Variants in LUZP2 observed in about 807,000 individuals in gnomAD.
LUZP2 encodes leucine zipper protein 2.
LUZP2 carries 52 observed loss-of-function variants against 51.6 expected under a neutral mutation model. That is an observed-to-expected ratio of 1.01 (90% CI 0.81 to 1.27). The LOEUF (loss-of-function observed/expected upper bound fraction) is 1.27. Among genes scored for constraint, LUZP2 ranks in the 50% most tolerant of loss-of-function variants. The pLI, the probability that LUZP2 is intolerant of heterozygous loss-of-function variation, is 0.00. For missense variants in LUZP2, 436 were observed against 395.4 expected (o/e 1.10, Z -0.87); for synonymous variants, 154 against 137.3 (o/e 1.12, Z -0.85).
intron 5 of LUZP2, among the ~76,000 whole-genome samples, chr11:24,835,617 A>G (rs1302351031): frequency 5.9e-5 from 9 of 152,148 alleles, no homozygotes; most frequent in Non-Finnish European, 1.5e-5. Context: ...AGGATTAGAG[A>G]GGAAAAATGG....
chr11:24,572,369 T>C (rs971238808), intron 1 of LUZP2, among the ~76,000 whole-genome samples: 2 of 152,042 alleles, frequency 1.3e-5, no homozygotes, highest in Non-Finnish European at 2.9e-5. Context: ...AATACAGGTC[T>C]CAAGCAATTC....
At chr11:24,899,438 T>G (rs184937306) in intron 5 of LUZP2, among the ~76,000 whole-genome samples, 135 of 151,944 alleles carry the variant, frequency 8.9e-4, no homozygotes, top group African/African-American at 3.0e-3. Context: ...ACTGTGAGGT[T>G]GTAAACAAAA....
At chr11:24,937,023 C>G (rs1475565934) in intron 7 of LUZP2, among the ~76,000 whole-genome samples, 1 of 149,532 alleles carries the variant, frequency 6.7e-6, no homozygotes, top group East Asian at 2.0e-4. Flanking sequence ...TCCTTTTGTT[C>G]AATCAGTGCC....
chr11:24,509,046 G>T (rs1208068713), intron 1 of LUZP2, among the ~76,000 whole-genome samples: 6 of 152,268 alleles, frequency 3.9e-5, no homozygotes, highest in African/African-American at 1.4e-4. Context: ...CATGTAGAAT[G>T]ATGGGACAAA....
intron 1 of LUZP2, among the ~76,000 whole-genome samples, chr11:24,630,453 C>A (rs1005726813): frequency 6.6e-6 from 1 of 152,002 alleles, no homozygotes; most frequent in African/African-American, 2.4e-5. Context: ...GGTGTCTTTT[C>A]TACAATGTAT....
chr11:24,594,493 T>C (rs1046242656), intron 1 of LUZP2, among the ~76,000 whole-genome samples: 2 of 152,188 alleles, frequency 1.3e-5, no homozygotes, highest in Non-Finnish European at 2.9e-5. Context: ...CAGGGATCGA[T>C]ACTTTGATGA....
chr11:24,513,828 A>C (rs961266934), intron 1 of LUZP2, among the ~76,000 whole-genome samples: 3 of 152,216 alleles, frequency 2.0e-5, no homozygotes, highest in African/African-American at 7.2e-5. Context: ...GACCTTTCAG[A>C]GTCTGAATGT....
At chr11:24,795,676 C>T (rs918817021) in intron 5 of LUZP2, among the ~76,000 whole-genome samples, 1 of 151,970 alleles carries the variant, frequency 6.6e-6, no homozygotes, top group African/African-American at 2.4e-5. Context: ...TGTCAGTGTC[C>T]CACAGTTCCT....
chr11:24,963,915 C>G (rs939397205), intron 7 of LUZP2, among the ~76,000 whole-genome samples: 5 of 152,190 alleles, frequency 3.3e-5, no homozygotes, highest in South Asian at 2.1e-4. Flanking sequence ...TTGGCTCCTC[C>G]CCTCCAGGTT....
intron 9 of LUZP2, among the ~76,000 whole-genome samples, chr11:25,030,286 T>C (rs1857607501): frequency 1.3e-5 from 2 of 152,188 alleles, no homozygotes; most frequent in African/African-American, 4.8e-5. Flanking sequence ...GTTCAATTAA[T>C]TCTCATTAAC....
chr11:24,751,921 A>T (rs1342571730), intron 4 of LUZP2, among the ~76,000 whole-genome samples: 2 of 152,080 alleles, frequency 1.3e-5, no homozygotes, highest in African/African-American at 4.8e-5. Context: ...AAAAAATCAT[A>T]AAAAAACTAC....
intron 4 of LUZP2, among the ~76,000 whole-genome samples, chr11:24,756,280 C>G (rs1442436458): frequency 6.6e-6 from 1 of 152,176 alleles, no homozygotes. Flanking sequence ...CAAGCTGTAA[C>G]CTAACCACCT....
At chr11:24,857,035 C>T (rs1450163559) in intron 5 of LUZP2, among the ~76,000 whole-genome samples, 1 of 151,872 alleles carries the variant, frequency 6.6e-6, no homozygotes, top group Non-Finnish European at 1.5e-5. Context: ...GACCTCACCA[C>T]TATGCAATAT....
intron 5 of LUZP2, among the ~76,000 whole-genome samples, chr11:24,870,897 T>C (rs1037771963): frequency 2.6e-4 from 40 of 152,102 alleles, no homozygotes; most frequent in African/African-American, 9.2e-4. Flanking sequence ...AAAATGAGGA[T>C]ATAAAATGTC....
intron 1 of LUZP2, among the ~76,000 whole-genome samples, chr11:24,637,929 C>T (rs1303067447): frequency 6.6e-6 from 1 of 151,784 alleles, no homozygotes; most frequent in African/African-American, 2.4e-5. Context: ...TTCTAAAATC[C>T]CTAATAAAAA....
At chr11:24,524,753 A>G (rs1205287563) in intron 1 of LUZP2, among the ~76,000 whole-genome samples, 1 of 151,728 alleles carries the variant, frequency 6.6e-6, no homozygotes, top group Admixed American at 6.6e-5. Flanking sequence ...GCATATTTGA[A>G]TGTTCTGTCC....
intron 1 of LUZP2, among the ~76,000 whole-genome samples, chr11:24,706,955 C>T (rs1336246358): frequency 6.8e-6 from 1 of 147,656 alleles, no homozygotes; most frequent in Non-Finnish European, 1.5e-5. Context: ...ATCTGGGGTT[C>T]ATCTTTACAC....
chr11:24,605,654 G>A (rs139259384), intron 1 of LUZP2, among the ~76,000 whole-genome samples: 1 of 151,614 alleles, frequency 6.6e-6, no homozygotes, highest in African/African-American at 2.4e-5. Context: ...TATATTCAAG[G>A]TATTTAAAGT....
At chr11:25,034,378 G>C (rs1474685002) in intron 9 of LUZP2, among the ~76,000 whole-genome samples, 1 of 152,010 alleles carries the variant, frequency 6.6e-6, no homozygotes, top group East Asian at 1.9e-4. Context: ...TAGGTTGTCT[G>C]TTTTGTTGAT....
Sources: gnomAD v4.1 joint callset for allele counts (sites outside exome capture counted in the v4.1 genomes callset) on GRCh38, gnomAD v4.1.1 for gene constraint, MANE v1.5 for transcripts, NCBI Gene and HGNC (gene_info 2026-07-23, HGNC 2026-07-21) for gene names.